The following UBXN7 variants were observed in gnomAD, a reference collection of about 807,000 sequenced individuals.
UBXN7 encodes the protein UBX domain-containing protein 7.
Under a neutral mutation model 58.0 loss-of-function variants are expected in UBXN7, and 9 were observed. The observed-to-expected ratio is 0.16, with a 90% confidence interval of 0.09 to 0.27. The LOEUF (loss-of-function observed/expected upper bound fraction) is 0.27. Ranked by LOEUF, UBXN7 falls within the 10% of genes least tolerant of loss-of-function variation. The pLI is 1.00. For missense variants in UBXN7, 328 were observed against 599.6 expected, an observed-to-expected ratio of 0.55 and a Z score of 4.73; for synonymous variants, 208 against 205.0, an observed-to-expected ratio of 1.01 and a Z score of -0.12.
intron 1 of UBXN7, among the ~76,000 whole-genome samples, chr3:196,412,163 G>A (rs530712938): frequency 8.7e-5 from 13 of 149,526 alleles, no homozygotes; most frequent in Non-Finnish European, 1.3e-4. Flanking sequence ...TCCAGGAGGC[G>A]GAGGTTACAG....
rs144595952 is a variant in UBXN7, at chr3:196,372,300, T to TTCTCTCTCTCTCTCTCTCTC, written c.469-278_469-259dup. Among the ~76,000 whole-genome samples the TTCTCTCTCTCTCTCTCTCTC allele has an allele frequency of 4.0e-3, 529 of 133,582 alleles. 16 individuals are homozygous for TTCTCTCTCTCTCTCTCTCTC. The highest frequency in any genetic ancestry group is 5.9e-3 in the Non-Finnish European group (374 of 63,054). The allele number at this position is 133,582 out of a possible 152,430, so 87.6% of individuals were successfully genotyped here. A position where few individuals can be genotyped will look rare whatever the true frequency, so the allele number is the denominator to read the frequency against. ...TCCAGTTATTTGTTATAATAGCTGA[T>TTCTCTCTCTCTCTCTCTCTC]TCTCTCTCTCTCTCTCTCTCTCTCT... On this transcript the variant is annotated intron_variant, in intron 5 of 10. Transcript: ENST00000296328.
Position 196,356,647 on chromosome 3 carries a change from GA to G in UBXN7, c.*37del, listed in dbSNP as rs1440285282. On this transcript the variant is annotated 3_prime_UTR_variant, in exon 11 of 11. Coordinates refer to ENST00000296328, the MANE Select transcript of UBXN7 (RefSeq NM_015562.2). ...GTGACATGTATCTCACAGGAAAAGGGAAAAAAGGGGTAAGCTGAGAGAGGTC... is the reference window on the plus strand; with the variant it reads ...GTGACATGTATCTCACAGGAAAAGGGAAAAAGGGGTAAGCTGAGAGAGGTC... The G allele has an allele frequency of 5.1e-6, 8 of 1,556,020 alleles. No individual in the cohort carries two copies. The highest frequency in any genetic ancestry group is 2.3e-5 in the Admixed American group (1 of 44,302).
chr3:196,356,888 G>C (rs370423670), intron 10 of UBXN7, 42 bp from the exon 11 acceptor site: 1 of 1,582,902 alleles, frequency 6.3e-7, no homozygotes, highest in Non-Finnish European at 8.5e-7. Context: ...GACGGAAAAA[G>C]AGGAAAGAGC....
intron 2 of UBXN7, among the ~76,000 whole-genome samples, chr3:196,405,071 G>A (rs987683190): frequency 6.6e-6 from 1 of 152,074 alleles, no homozygotes; most frequent in Non-Finnish European, 1.5e-5. Flanking sequence ...GCTTGAACCC[G>A]AGAGGAGGAG....
At chr3:196,393,989 T>A (rs1194991156) in intron 3 of UBXN7, among the ~76,000 whole-genome samples, 2 of 152,206 alleles carry the variant, frequency 1.3e-5, no homozygotes, top group Non-Finnish European at 1.5e-5. Flanking sequence ...ATCAAACTTG[T>A]GTAAAAAGTT....
At position 196,405,578 on chromosome 3, in the gene UBXN7, G is replaced by GTA. The variant is rs372539474; in HGVS notation, c.221+1666_221+1667dup. Among the ~76,000 whole-genome samples, 1,338 of 151,558 alleles carry GTA rather than the reference G, an allele frequency of 8.8e-3. 16 individuals are homozygous for GTA. The highest frequency in any genetic ancestry group is 0.031 in the African/African-American group (1,270 of 41,364). On this transcript the variant is annotated intron_variant, in intron 2 of 10. Coordinates refer to ENST00000296328, the MANE Select transcript of UBXN7 (RefSeq NM_015562.2). ...CGCTTTACAGTGTGTGTGTGTGTGT[G>GTA]TATATATATATAATTGTCTCAATCT...
chr3:196,418,842 C>T (rs1364547797), intron 1 of UBXN7, among the ~76,000 whole-genome samples: 1 of 152,192 alleles, frequency 6.6e-6, no homozygotes, highest in East Asian at 1.9e-4. Context: ...GATGTCAACA[C>T]TCAGGGTCCA....
chr3:196,393,697 T>C (rs925700832), intron 3 of UBXN7, 78 bp from the exon 4 acceptor site: 1 of 1,416,934 alleles, frequency 7.1e-7, no homozygotes, highest in Non-Finnish European at 9.7e-7. Context: ...TATCTAAAAG[T>C]ATTTTTTTAA....
Position 196,373,343 on chromosome 3 carries a change from T to TAGTGCG in UBXN7, c.469-1307_469-1302dup, listed in dbSNP as rs1454183873. On this transcript the variant is annotated intron_variant, in intron 5 of 10. Transcript: ENST00000296328. Reference sequence around the variant, plus strand: ...CAACAGATATCGATACATCAATCGTTAGTGCGTACTTTTTGCCTGTCAGTC... The same window carrying TAGTGCG: ...CAACAGATATCGATACATCAATCGTTAGTGCGAGTGCGTACTTTTTGCCTGTCAGTC... Among the ~76,000 whole-genome samples, 5 of 152,192 alleles carry TAGTGCG rather than the reference T, an allele frequency of 3.3e-5. No homozygotes were observed. The East Asian group carries it at 9.6e-4, about 29-fold the overall frequency.
intron 1 of UBXN7, chr3:196,431,937 C>T (rs896846428): frequency 1.5e-5 from 6 of 399,298 alleles, no homozygotes; most frequent in Non-Finnish European, 2.4e-5. Context: ...TGCACCGCAC[C>T]GCAGGGCTGC....
rs200374572 is a variant in UBXN7 at position 196,395,244 on chromosome 3, T to C, written c.290-1625A>G. Reference sequence around the variant, plus strand: ...CCAATAACTCGTGTTTGTGATTACATAGGATAATTCTTTATATCCAGAACT... The same window carrying C: ...CCAATAACTCGTGTTTGTGATTACACAGGATAATTCTTTATATCCAGAACT... On this transcript the variant is annotated intron_variant, in intron 3 of 10. Coordinates refer to ENST00000296328, the MANE Select transcript of UBXN7 (RefSeq NM_015562.2). Among the ~76,000 whole-genome samples, 15 of 152,176 alleles carry C rather than the reference T, an allele frequency of 9.9e-5. No individual in the cohort carries two copies. In the East Asian group the frequency reaches 1.5e-3, roughly 16 times the overall value.
chr3:196,382,248 A>G (rs6583304), intron 5 of UBXN7, among the ~76,000 whole-genome samples: 152,225 of 152,298 alleles, frequency 1, 76,076 homozygotes, highest in Middle Eastern at 1. Flanking sequence ...GAGAAAGGTC[A>G]AGTTACCCAC....
intron 1 of UBXN7, among the ~76,000 whole-genome samples, chr3:196,419,676 T>C (rs1730620155): frequency 6.6e-6 from 1 of 152,176 alleles, no homozygotes. Flanking sequence ...AGACCATTTT[T>C]GGTGTTTCAT....
rs1383238623 is a variant in UBXN7, at chr3:196,353,037, G to A, written c.*3648C>T. The stretch of plus-strand genomic sequence containing the variant: ...GCAATAATCAGCCTCTCAAAATAAT[G>A]GCATAAATAAAAATGTATAGGCATA... On this transcript the variant is annotated 3_prime_UTR_variant, in exon 11 of 11. Coordinates refer to ENST00000296328, the MANE Select transcript of UBXN7 (RefSeq NM_015562.2). The A allele has an allele frequency of 6.6e-6, 1 of 151,988 alleles. No individual in the cohort carries two copies. The highest frequency in any genetic ancestry group is 2.4e-5 in the African/African-American group (1 of 41,394). The allele number at this position is 151,988 out of a possible 1,614,324, so 9.4% of individuals were successfully genotyped here.
chr3:196,359,766 G>A (rs556049601), intron 10 of UBXN7, among the ~76,000 whole-genome samples: 149 of 152,170 alleles, frequency 9.8e-4, no homozygotes, highest in Admixed American at 1.4e-3. Context: ...TTAGCTGGGC[G>A]TGGTGGTGGG....
rs1050392101 is a variant in UBXN7 at position 196,396,579 on chromosome 3, G to A, written c.290-2960C>T. Among the ~76,000 whole-genome samples, 5 of 151,876 alleles carry A rather than the reference G, an allele frequency of 3.3e-5. No homozygotes were observed. The East Asian group carries it at 5.8e-4, about 18-fold the overall frequency. Reference sequence around the variant, plus strand: ...AGATTGAGACCATACTGGCTAACACGGTGAAACCCCATCTCTACTAAAAAA... The same window carrying A: ...AGATTGAGACCATACTGGCTAACACAGTGAAACCCCATCTCTACTAAAAAA... On this transcript the variant is annotated intron_variant, in intron 3 of 10. Transcript: ENST00000296328.
chr3:196,402,209 T>C (rs958672173), intron 3 of UBXN7, among the ~76,000 whole-genome samples: 2 of 152,106 alleles, frequency 1.3e-5, no homozygotes, highest in Non-Finnish European at 2.9e-5. Context: ...TTAGTAGAGA[T>C]GGGATTTTGA....
In UBXN7 at chr3:196,407,356, C is replaced by T. The variant is rs748555616; in HGVS notation, c.111G>A (p.Ala37=). The stretch of plus-strand genomic sequence containing the variant: ...CTGCCATTTCCAGATTATTGTTGCA[C>T]GCTTCAAGCATATGTTTTCCTACAC... ...SESVGKHMLE[A]CNNNLEMAVT... The change falls in exon 2 of 11, where the codon GCG becomes GCA. Residue 37 remains alanine, a synonymous_variant. Coordinates refer to ENST00000296328, the MANE Select transcript of UBXN7 (RefSeq NM_015562.2). 30 of 1,612,162 alleles carry T rather than the reference C, an allele frequency of 1.9e-5. No individual in the cohort carries two copies. In the Admixed American group the frequency reaches 2.0e-4, roughly 11 times the overall value.
chr3:196,379,862 G>A (rs1402828156), intron 5 of UBXN7, among the ~76,000 whole-genome samples: 1 of 152,116 alleles, frequency 6.6e-6, no homozygotes, highest in African/African-American at 2.4e-5. Context: ...TCGCCAGAAT[G>A]ATGTTACTGG....
Sources: allele counts gnomAD v4.1 joint callset (sites outside exome capture counted in the v4.1 genomes callset), GRCh38; gene constraint gnomAD v4.1.1; transcripts MANE v1.5; gene names NCBI Gene and HGNC (gene_info 2026-07-23, HGNC 2026-07-21).